Variants in MED21 observed in about 807,000 individuals in gnomAD.
MED21 encodes the protein mediator of RNA polymerase II transcription subunit 21.
MED21 carries 9 observed loss-of-function variants against 18.2 expected under a neutral mutation model. The ratio of observed to expected loss-of-function variants is 0.49; its 90% confidence interval spans 0.30 to 0.86. MED21 has a LOEUF of 0.86. Ranked by LOEUF, MED21 falls within the 40% of genes least tolerant of loss-of-function variation. The pLI is 0.07. For missense variants in MED21, 150 were observed against 170.9 expected, an observed-to-expected ratio of 0.88 and a Z score of 0.68; for synonymous variants, 73 against 60.5, an observed-to-expected ratio of 1.21 and a Z score of -0.96.
rs980274350 is a variant in MED21, at chr12:27,030,150, T to A, written c.*1689T>A. Reference sequence around the variant, plus strand: ...TTTTTTTGTTGTTCTTGTTTCTGTTTTTTTAAGGTGAAGTCTCTGTCACCC... The same window carrying A: ...TTTTTTTGTTGTTCTTGTTTCTGTTATTTTAAGGTGAAGTCTCTGTCACCC... On this transcript the variant is annotated 3_prime_UTR_variant, in exon 4 of 4. Coordinates refer to ENST00000282892, the MANE Select transcript of MED21 (RefSeq NM_004264.5). The A allele has an allele frequency of 1.5e-6, 1 of 661,046 alleles. No individual in the cohort carries two copies. Among genetic ancestry groups the A allele is most frequent in the African/African-American group, 1.8e-5 (1 of 55,702 alleles). The allele number at this position is 661,046 out of a possible 1,614,324, so 40.9% of individuals were successfully genotyped here.
At chr12:27,033,444 G>A (rs573921478), downstream of MED21, among the ~76,000 whole-genome samples, 5 of 152,102 alleles carry the variant, frequency 3.3e-5, no homozygotes, top group African/African-American at 1.2e-4. Context: ...GGATTTCAAC[G>A]TACAAATTTG....
chr12:27,037,132 G>T (rs1941654401), intron 2 of MED21: 1 of 151,004 alleles, frequency 6.6e-6, no homozygotes, highest in African/African-American at 2.4e-5. Context: ...GTGGTTTGTA[G>T]TTCTTCTTGA....
downstream of MED21, among the ~76,000 whole-genome samples, chr12:27,035,308 A>G (rs938767884): frequency 6.6e-6 from 1 of 152,094 alleles, no homozygotes; most frequent in Non-Finnish European, 1.5e-5. Flanking sequence ...TTTGCTAAAT[A>G]TGCGGTTTCT....
Position 27,030,450 on chromosome 12 carries a change from A to T in MED21, c.*1989A>T, listed in dbSNP as rs886749247. The T allele has an allele frequency of 1.4e-5, 5 of 370,052 alleles. No homozygotes were observed. Among genetic ancestry groups the T allele is most frequent in the Non-Finnish European group, 2.4e-5 (5 of 209,728 alleles). The allele number at this position is 370,052 out of a possible 1,614,324, so 22.9% of individuals were successfully genotyped here. ...GAGCGACACAGATTTTTCCCTAAAAAACTACAGATTATTTTCAAAAGCATT... is the reference window on the plus strand; with the variant it reads ...GAGCGACACAGATTTTTCCCTAAAATACTACAGATTATTTTCAAAAGCATT... On this transcript the variant is annotated 3_prime_UTR_variant, in exon 4 of 4. Coordinates refer to ENST00000282892, the MANE Select transcript of MED21 (RefSeq NM_004264.5).
intron 2 of MED21, among the ~76,000 whole-genome samples, chr12:27,026,921 A>G (rs1941552547): frequency 6.6e-6 from 1 of 152,264 alleles, no homozygotes; most frequent in South Asian, 2.1e-4. Context: ...GTATATTTTA[A>G]TCATTAGAAT....
At chr12:27,027,163 G>A (rs1283991074) in intron 2 of MED21, among the ~76,000 whole-genome samples, 184 bp from the exon 3 acceptor site, 1 of 152,118 alleles carries the variant, frequency 6.6e-6, no homozygotes, top group East Asian at 1.9e-4. Context: ...TCCTGACCTC[G>A]TGATCCGCCT....
intron 1 of MED21, chr12:27,022,823 G>A (rs1299478274): frequency 6.7e-7 from 1 of 1,495,308 alleles, no homozygotes; most frequent in Non-Finnish European, 8.9e-7. Flanking sequence ...GGTGCGGGAG[G>A]GAGCAGACTC....
At position 27,029,688 on chromosome 12, in the gene MED21, G is replaced by T; in HGVS notation, c.*1227G>T. The T allele has an allele frequency of 1.0e-6, 1 of 985,404 alleles. No individual in the cohort carries two copies. Among genetic ancestry groups the T allele is most frequent in the Non-Finnish European group, 1.2e-6 (1 of 829,904 alleles). The allele number at this position is 985,404 out of a possible 1,614,324, so 61.0% of individuals were successfully genotyped here. A position where few individuals can be genotyped will look rare whatever the true frequency, so the allele number is the denominator to read the frequency against. On this transcript the variant is annotated 3_prime_UTR_variant, in exon 4 of 4. Transcript: ENST00000282892. ...TGCAGCAATTTATTGGCTAGTCATA[G>T]AAAATTTTTGAACTTTTAACTGTAT...
rs1941572155 is a variant in MED21, at chr12:27,028,341, G to A, written c.315G>A (p.Glu105=). 1 of 1,614,126 alleles carries A rather than the reference G, an allele frequency of 6.2e-7. No homozygotes were observed. The highest frequency in any genetic ancestry group is 1.1e-5 in the South Asian group (1 of 91,074). ...EENHEAATCL[E]DVVYRGDMLL... The stretch of plus-strand genomic sequence containing the variant: ...ACCATGAAGCTGCTACATGTCTGGA[G>A]GATGTTGTTTATCGAGGAGACATGC... Residue 105 remains glutamate, a synonymous_variant, in exon 4 of 4, where the codon GAG becomes GAA. Transcript: ENST00000282892.
Position 27,029,169 on chromosome 12 carries a change from T to G in MED21, c.*708T>G. The G allele has an allele frequency of 1.0e-6, 1 of 985,348 alleles. No homozygotes were observed. The highest frequency in any genetic ancestry group is 1.2e-6 in the Non-Finnish European group (1 of 829,840). The allele number at this position is 985,348 out of a possible 1,614,324, so 61.0% of individuals were successfully genotyped here. A position where few individuals can be genotyped will look rare whatever the true frequency, so the allele number is the denominator to read the frequency against. On this transcript the variant is annotated 3_prime_UTR_variant, in exon 4 of 4. Coordinates refer to ENST00000282892, the MANE Select transcript of MED21 (RefSeq NM_004264.5). ...TTTTTCATCCTTAATTTGCTTGTCA[T>G]CACAATGAAGTATGTTTTTTGAATC... is the stretch of plus-strand genomic sequence containing the variant.
downstream of MED21, among the ~76,000 whole-genome samples, chr12:27,031,552 A>G (rs1279427206): frequency 1.3e-5 from 2 of 152,204 alleles, no homozygotes; most frequent in African/African-American, 4.8e-5. Flanking sequence ...ACTGTCAATT[A>G]CCTTGGCAAT....
intron 3 of MED21, among the ~76,000 whole-genome samples, chr12:27,027,715 G>GT (rs1331284493): frequency 4.6e-5 from 7 of 152,156 alleles, no homozygotes; most frequent in Non-Finnish European, 8.8e-5. Context: ...CCTTCTTCCT[G>GT]TTTCCTCACA....
chr12:27,023,765 G>A (rs913386338), intron 1 of MED21, among the ~76,000 whole-genome samples: 10 of 152,040 alleles, frequency 6.6e-5, no homozygotes, highest in African/African-American at 2.4e-4. Flanking sequence ...CTAATGAAGG[G>A]GTCATGTTCT....
At chr12:27,036,666 GT>G (rs1941651852) in intron 2 of MED21, among the ~76,000 whole-genome samples, 1 of 152,168 alleles carries the variant, frequency 6.6e-6, no homozygotes. Flanking sequence ...TGGCTAGCCA[GT>G]TTTCCCAGCA....
At position 27,030,522 on chromosome 12, in the gene MED21, C is replaced by T. The variant is rs1941606795; in HGVS notation, c.*2061C>T. ...AAAAAAGATTCAGGTAACCCAGGAACGAGAAACAGAATAAAACAATAGTAA... is the reference window on the plus strand; with the variant it reads ...AAAAAAGATTCAGGTAACCCAGGAATGAGAAACAGAATAAAACAATAGTAA... On this transcript the variant is annotated 3_prime_UTR_variant, in exon 4 of 4. Coordinates refer to ENST00000282892, the MANE Select transcript of MED21 (RefSeq NM_004264.5). The T allele has an allele frequency of 1.5e-5, 4 of 265,804 alleles. No individual in the cohort carries two copies. Among genetic ancestry groups the T allele is most frequent in the South Asian group, 1.7e-4 (1 of 5,824 alleles). 16.5% of individuals were successfully genotyped at this position (265,804 alleles called of 1,614,324 possible). A position where few individuals can be genotyped will look rare whatever the true frequency, so the allele number is the denominator to read the frequency against.
At chr12:27,031,790 G>T (rs1174904539), downstream of MED21, among the ~76,000 whole-genome samples, 1 of 152,168 alleles carries the variant, frequency 6.6e-6, no homozygotes, top group Non-Finnish European at 1.5e-5. Flanking sequence ...AGTTAGGGAA[G>T]TGAAAGAATG....
At chr12:27,028,151 G>C in intron 3 of MED21, 134 bp from the exon 4 acceptor site, 1 of 1,151,784 alleles carries the variant, frequency 8.7e-7, no homozygotes, top group Non-Finnish European at 1.2e-6. Flanking sequence ...CTTAAAAGTT[G>C]TCTGATTTTT....
At chr12:27,033,469 A>T (rs1269592395), downstream of MED21, among the ~76,000 whole-genome samples, 1 of 152,206 alleles carries the variant, frequency 6.6e-6, no homozygotes, top group African/African-American at 2.4e-5. Flanking sequence ...GTTGGGAGGG[A>T]TACAAGCATT....
At chr12:27,031,721 A>C (rs1422980072), downstream of MED21, among the ~76,000 whole-genome samples, 1 of 152,192 alleles carries the variant, frequency 6.6e-6, no homozygotes, top group Non-Finnish European at 1.5e-5. Context: ...TGCTACTACA[A>C]ACATTACAGG....
Sources: allele counts gnomAD v4.1 joint callset (sites outside exome capture counted in the v4.1 genomes callset), GRCh38; gene constraint gnomAD v4.1.1; transcripts MANE v1.5; gene names NCBI Gene and HGNC (gene_info 2026-07-23, HGNC 2026-07-21).